CSNK1G1: variants seen among roughly 807,000 people sequenced by gnomAD.
The protein encoded by CSNK1G1 is casein kinase I isoform gamma-1.
Under a neutral mutation model 59.6 loss-of-function variants are expected in CSNK1G1, and 22 were observed. The ratio of observed to expected loss-of-function variants is 0.37; its 90% CI spans 0.26 to 0.53. CSNK1G1 has a LOEUF of 0.53. Among genes scored for constraint, CSNK1G1 ranks in the 20% least tolerant of loss-of-function variants. The pLI is 0.89. For missense variants in CSNK1G1, 384 were observed against 519.5 expected (o/e 0.74, Z 2.54); for synonymous variants, 179 against 177.1 (o/e 1.01, Z -0.08).
chr15:64,233,723 T>C (rs571904359), intron 4 of CSNK1G1, among the ~76,000 whole-genome samples: 92 of 152,274 alleles, frequency 6.0e-4, no homozygotes, highest in Non-Finnish European at 1.2e-3. Flanking sequence ...CAAACTAGTA[T>C]AGCTAAAGGC....
At chr15:64,230,602 C>A (rs1406359349) in intron 4 of CSNK1G1, among the ~76,000 whole-genome samples, 1 of 152,178 alleles carries the variant, frequency 6.6e-6, no homozygotes, top group Non-Finnish European at 1.5e-5. Flanking sequence ...TATTCTGACT[C>A]TAGGCTTGGG....
intron 4 of CSNK1G1, among the ~76,000 whole-genome samples, chr15:64,235,792 T>C (rs1486082619): frequency 6.6e-6 from 1 of 152,194 alleles, no homozygotes; most frequent in Non-Finnish European, 1.5e-5. Flanking sequence ...ACTGAACTCA[T>C]TTGTATTGTA....
At chr15:64,337,038 G>A (rs1237609505) in intron 1 of CSNK1G1, among the ~76,000 whole-genome samples, 1 of 151,928 alleles carries the variant, frequency 6.6e-6, no homozygotes, top group Non-Finnish European at 1.5e-5. Context: ...GACCAGCCTG[G>A]CCAACATGGT....
chr15:64,320,678 C>CAA (rs1031206646), intron 1 of CSNK1G1, among the ~76,000 whole-genome samples: 9 of 43,036 alleles, frequency 2.1e-4, no homozygotes, highest in Non-Finnish European at 2.6e-4. Flanking sequence ...GGCTCCATCA[C>CAA]AAAAAAAAAA....
At chr15:64,340,645 G>C (rs1448461936) in intron 1 of CSNK1G1, among the ~76,000 whole-genome samples, 2 of 152,182 alleles carry the variant, frequency 1.3e-5, no homozygotes, top group Admixed American at 6.5e-5. Flanking sequence ...GAAGTTGCTA[G>C]GTAGAACTTC....
chr15:64,189,479 C>A, intron 10 of CSNK1G1: 26 of 1,243,568 alleles, frequency 2.1e-5, no homozygotes, highest in Non-Finnish European at 2.7e-5. Flanking sequence ...AGTCCTAAGG[C>A]TCTACAAAAA....
Position 64,191,898 on chromosome 15 carries a change from T to C in CSNK1G1, c.1107+11184A>G, listed in dbSNP as rs570516603. Among the ~76,000 whole-genome samples the C allele has an allele frequency of 2.1e-4, 32 of 152,324 alleles. No individual in the cohort carries two copies. In the South Asian group the frequency reaches 6.4e-3, roughly 31 times the overall value. On this transcript the variant is annotated intron_variant, in intron 10 of 11. Coordinates refer to ENST00000303052, the MANE Select transcript of CSNK1G1 (RefSeq NM_022048.5). ...GATGTTAAATTCTAGGGCTACTGTT[T>C]TCTGGAATTTAAGAGCTTGGACCGG... is the stretch of plus-strand genomic sequence containing the variant.
At chr15:64,286,343 A>G (rs1470424805) in intron 2 of CSNK1G1, among the ~76,000 whole-genome samples, 1 of 151,512 alleles carries the variant, frequency 6.6e-6, no homozygotes, top group African/African-American at 2.4e-5. Context: ...TGTTATTGTT[A>G]ACAATATTGT....
intron 1 of CSNK1G1, among the ~76,000 whole-genome samples, chr15:64,340,897 G>A (rs2140475202): frequency 6.6e-6 from 1 of 152,252 alleles, no homozygotes; most frequent in South Asian, 2.1e-4. Flanking sequence ...AGTTGGTACT[G>A]CAGTGAGCCA....
intron 6 of CSNK1G1, among the ~76,000 whole-genome samples, chr15:64,212,726 C>T (rs1002668782): frequency 4.0e-5 from 6 of 151,618 alleles, no homozygotes; most frequent in Admixed American, 3.3e-4. Context: ...AATAAATATG[C>T]TGGGCACGGT....
intron 1 of CSNK1G1, among the ~76,000 whole-genome samples, chr15:64,348,764 A>G (rs977534365): frequency 2.6e-5 from 4 of 152,188 alleles, no homozygotes; most frequent in Non-Finnish European, 5.9e-5. Flanking sequence ...TGGATACTCA[A>G]ACACCAAAAA....
At chr15:64,245,146 T>C (rs1891683731) in intron 4 of CSNK1G1, among the ~76,000 whole-genome samples, 1 of 150,706 alleles carries the variant, frequency 6.6e-6, no homozygotes, top group South Asian at 2.1e-4. Context: ...ACTATGAAAC[T>C]ACTAGAATAA....
At chr15:64,345,426 T>C (rs1293805374) in intron 1 of CSNK1G1, among the ~76,000 whole-genome samples, 1 of 152,196 alleles carries the variant, frequency 6.6e-6, no homozygotes, top group Non-Finnish European at 1.5e-5. Context: ...AAAATCTGTA[T>C]AGTTGAAACC....
At chr15:64,293,163 T>C (rs901730450) in intron 2 of CSNK1G1, among the ~76,000 whole-genome samples, 4 of 136,758 alleles carry the variant, frequency 2.9e-5, no homozygotes, top group African/African-American at 1.4e-4. Flanking sequence ...ATCTATAAAA[T>C]CTGTTTTCAT....
rs1017949478 is a variant in CSNK1G1, at chr15:64,166,177, G to A, written c.*5754C>T. ...CCACTGCTGATTTATACATTATCTA[G>A]TTGTTTAAAAATCGCAATCAACATC... On this transcript the variant is annotated 3_prime_UTR_variant, in exon 12 of 12. Coordinates refer to ENST00000303052, the MANE Select transcript of CSNK1G1 (RefSeq NM_022048.5). The surrounding 1 kb of genome is among the most constrained non-coding windows in gnomAD (Gnocchi z 4.5). 1.1e-5 allele frequency: 5 copies of A among 464,338 alleles called. No homozygotes were observed. Among genetic ancestry groups the A allele is most frequent in the Non-Finnish European group, 1.9e-5 (5 of 262,720 alleles). The allele number at this position is 464,338 out of a possible 1,614,324, so 28.8% of individuals were successfully genotyped here.
rs546096196 is a variant in CSNK1G1 at position 64,170,544 on chromosome 15, A to T, written c.*1387T>A. The stretch of plus-strand genomic sequence containing the variant: ...TAAGGCAGGCCAGCCCAAATGCTAC[A>T]GCTCAGCTATTGGGGCAGATAGGAT... On this transcript the variant is annotated 3_prime_UTR_variant, in exon 12 of 12. Coordinates refer to ENST00000303052, the MANE Select transcript of CSNK1G1 (RefSeq NM_022048.5). The T allele has an allele frequency of 6.5e-6, 1 of 152,816 alleles. No individual in the cohort carries two copies. Among genetic ancestry groups the T allele is most frequent in the South Asian group, 2.1e-4 (1 of 4,828 alleles). The allele number at this position is 152,816 out of a possible 1,614,324, so 9.5% of individuals were successfully genotyped here. A position where few individuals can be genotyped will look rare whatever the true frequency, so the allele number is the denominator to read the frequency against.
At chr15:64,185,694 T>C (rs1270747100) in intron 10 of CSNK1G1, among the ~76,000 whole-genome samples, 1 of 151,814 alleles carries the variant, frequency 6.6e-6, no homozygotes, top group African/African-American at 2.4e-5. Flanking sequence ...CAAAAACCCA[T>C]CTCTACTAAA....
At chr15:64,308,335 G>T (rs1468191206) in intron 1 of CSNK1G1, among the ~76,000 whole-genome samples, 2 of 152,108 alleles carry the variant, frequency 1.3e-5, no homozygotes, top group African/African-American at 4.8e-5. Context: ...CTGGGTTCAA[G>T]AGATCCTCCA....
At chr15:64,238,266 A>AT (rs2082642227) in intron 4 of CSNK1G1, among the ~76,000 whole-genome samples, 1 of 151,766 alleles carries the variant, frequency 6.6e-6, no homozygotes, top group African/African-American at 2.4e-5. Flanking sequence ...ATATACGCAC[A>AT]TAAAAAAAAT....
Sources: allele counts gnomAD v4.1 joint callset (sites outside exome capture counted in the v4.1 genomes callset), GRCh38; gene constraint gnomAD v4.1.1; non-coding constraint Gnocchi (gnomAD v3.1); transcripts MANE v1.5; gene names NCBI Gene and HGNC (gene_info 2026-07-23, HGNC 2026-07-21).